The following PRKCE variants were observed in gnomAD, a reference collection of about 807,000 sequenced individuals.
PRKCE encodes protein kinase C epsilon, also known as protein kinase C epsilon type.
A neutral mutation model predicts 85.4 loss-of-function variants in PRKCE; 16 were observed. That is an observed-to-expected ratio of 0.19 (90% CI 0.13 to 0.28). The LOEUF (loss-of-function observed/expected upper bound fraction) is 0.28. PRKCE is among the 10% of genes least tolerant of loss of function. The pLI is 1.00. For missense variants in PRKCE, 573 were observed against 975.2 expected (o/e 0.59, Z 5.49); for synonymous variants, 388 against 371.5 (o/e 1.04, Z -0.51).
intron 1 of PRKCE, among the ~76,000 whole-genome samples, chr2:45,692,678 C>T (rs551535293): frequency 3.7e-4 from 56 of 151,760 alleles, no homozygotes; most frequent in Non-Finnish European, 4.9e-4. Context: ...TACAAGGGGC[C>T]GGAGCACTGT....
intron 1 of PRKCE, among the ~76,000 whole-genome samples, chr2:45,743,264 T>C (rs1045762792): frequency 1.3e-5 from 2 of 152,214 alleles, no homozygotes; most frequent in African/African-American, 4.8e-5. Context: ...ATCTTAACTA[T>C]ACTCACCATA....
intron 1 of PRKCE, among the ~76,000 whole-genome samples, chr2:45,809,308 G>A (rs540576896): frequency 2.6e-5 from 4 of 152,112 alleles, no homozygotes; most frequent in South Asian, 2.1e-4. Flanking sequence ...GTAATTAAGC[G>A]TCATTCATAA....
chr2:45,847,503 G>T (rs553857153), intron 2 of PRKCE, among the ~76,000 whole-genome samples: 2 of 152,154 alleles, frequency 1.3e-5, no homozygotes, highest in African/African-American at 2.4e-5. Context: ...AACCAGCTTC[G>T]CTTGGTTCTG....
At chr2:46,113,932 C>T (rs1672504092) in intron 11 of PRKCE, among the ~76,000 whole-genome samples, 1 of 152,208 alleles carries the variant, frequency 6.6e-6, no homozygotes, top group Non-Finnish European at 1.5e-5. Context: ...GTTTTCTCTT[C>T]AAGACTATTC....
intron 1 of PRKCE, among the ~76,000 whole-genome samples, chr2:45,840,035 C>A (rs538122087): frequency 6.6e-6 from 1 of 152,326 alleles, no homozygotes; most frequent in African/African-American, 2.4e-5. Context: ...AGTTCTCACT[C>A]CCCTTTTGCA....
intron 11 of PRKCE, among the ~76,000 whole-genome samples, chr2:46,107,296 T>G (rs1419311584): frequency 1.3e-5 from 2 of 152,252 alleles, no homozygotes; most frequent in African/African-American, 4.8e-5. Flanking sequence ...AATATGCACT[T>G]AAGATTCATC....
At position 46,010,250 on chromosome 2, in the gene PRKCE, CAG is replaced by C. The variant is rs545783531; in HGVS notation, c.1264-92_1264-91del. Reference sequence around the variant, plus strand: ...ATAATATTTAAAATTAAAGAAAAAACAGAATTCGTTTTTGAAGTATTTGGTAT... The same window carrying C: ...ATAATATTTAAAATTAAAGAAAAAACAATTCGTTTTTGAAGTATTTGGTAT... On this transcript the variant is annotated intron_variant, in intron 9 of 14. Transcript: ENST00000306156. The C allele has an allele frequency of 3.2e-4, 426 of 1,331,742 alleles. 1 individual carries two copies. In the African/African-American group the frequency reaches 5.5e-3, roughly 17 times the overall value. 82.5% of individuals were successfully genotyped at this position (1,331,742 alleles called of 1,614,324 possible).
intron 11 of PRKCE, among the ~76,000 whole-genome samples, chr2:46,133,848 TAG>T (rs1674700963): frequency 6.6e-6 from 1 of 152,192 alleles, no homozygotes; most frequent in Non-Finnish European, 1.5e-5. Context: ...GTCATTGTTG[TAG>T]AGGAGCTGAC....
At chr2:45,972,969 A>T (rs916386409) in intron 2 of PRKCE, among the ~76,000 whole-genome samples, 46 of 152,374 alleles carry the variant, frequency 3.0e-4, no homozygotes, top group African/African-American at 1.1e-3. Context: ...TAAAAGAACA[A>T]AGATGGAAGC....
chr2:45,859,932 T>C (rs2105641972), intron 2 of PRKCE, among the ~76,000 whole-genome samples: 1 of 152,342 alleles, frequency 6.6e-6, no homozygotes, highest in East Asian at 1.9e-4. Context: ...CACACACTTG[T>C]ATAATGTAGA....
intron 2 of PRKCE, among the ~76,000 whole-genome samples, chr2:45,975,981 C>G (rs1421550120): frequency 6.6e-6 from 1 of 152,200 alleles, no homozygotes; most frequent in Non-Finnish European, 1.5e-5. Context: ...TAAGCCACCC[C>G]CTGTGGCTGG....
intron 11 of PRKCE, 147 bp from the exon 12 acceptor site, chr2:46,144,946 T>C: frequency 8.3e-7 from 1 of 1,205,064 alleles, no homozygotes; most frequent in Non-Finnish European, 1.2e-6. Context: ...AGAGAGCCCC[T>C]GGACTGAGAT....
At chr2:45,693,437 G>A (rs1237989670) in intron 1 of PRKCE, among the ~76,000 whole-genome samples, 3 of 152,158 alleles carry the variant, frequency 2.0e-5, no homozygotes, top group Non-Finnish European at 4.4e-5. Flanking sequence ...GAGGTGACCT[G>A]GAGAGAAAGT....
intron 1 of PRKCE, among the ~76,000 whole-genome samples, chr2:45,732,003 C>A (rs931673878): frequency 6.6e-6 from 1 of 152,156 alleles, no homozygotes; most frequent in African/African-American, 2.4e-5. Context: ...CACTGTCAGC[C>A]ACAGTCCTAG....
intron 6 of PRKCE, among the ~76,000 whole-genome samples, chr2:45,995,474 A>G (rs1362086606): frequency 6.6e-6 from 1 of 152,074 alleles, no homozygotes; most frequent in East Asian, 1.9e-4. Context: ...AAGGAGTTTC[A>G]TAGTTTTGCC....
At chr2:45,778,357 T>G (rs900215117) in intron 1 of PRKCE, among the ~76,000 whole-genome samples, 11 of 152,184 alleles carry the variant, frequency 7.2e-5, no homozygotes, top group Non-Finnish European at 1.5e-4. Flanking sequence ...AGAACATGCC[T>G]GGCCGCTTAG....
intron 10 of PRKCE, chr2:46,073,731 G>A (rs1392406152): frequency 2.0e-5 from 3 of 152,238 alleles, no homozygotes; most frequent in South Asian, 4.2e-4. Flanking sequence ...AGAAATCTCC[G>A]TGGCAGATCA....
At chr2:46,125,481 A>T (rs1673760354) in intron 11 of PRKCE, among the ~76,000 whole-genome samples, 1 of 152,228 alleles carries the variant, frequency 6.6e-6, no homozygotes, top group African/African-American at 2.4e-5. Context: ...GGTATATTGG[A>T]CAAGAGGTGG....
intron 1 of PRKCE, among the ~76,000 whole-genome samples, chr2:45,836,926 A>T (rs1043689025): frequency 1.1e-4 from 17 of 152,158 alleles, no homozygotes; most frequent in African/African-American, 4.1e-4. Flanking sequence ...ATGGGAAGGG[A>T]AGTGAAACTC....
Sources: gnomAD v4.1 joint callset for allele counts (sites outside exome capture counted in the v4.1 genomes callset) on GRCh38, gnomAD v4.1.1 for gene constraint, MANE v1.5 for transcripts, NCBI Gene and HGNC (gene_info 2026-07-23, HGNC 2026-07-21) for gene names.